The following KLF12 variants were observed in gnomAD, a reference collection of about 807,000 sequenced individuals.
KLF12 encodes the protein KLF transcription factor 12.
KLF12 carries 9 observed loss-of-function variants against 37.8 expected under a neutral mutation model. That is an observed-to-expected ratio of 0.24 (90% CI 0.14 to 0.42). The LOEUF (loss-of-function observed/expected upper bound fraction) is 0.42. Ranked by LOEUF, KLF12 falls within the 10% of genes least tolerant of loss-of-function variation. KLF12 has a pLI of 1.00. For missense variants in KLF12, 411 were observed against 516.0 expected (o/e 0.80, Z 1.97); for synonymous variants, 208 against 202.1 (o/e 1.03, Z -0.25).
rs181494106 is a variant in KLF12, at chr13:74,088,307, G to A, written c.-32+45432C>T. ...TGAGACAGTCTTGCGCTGTTGCCCA[G>A]GCTGGAATCTCCTGAGTTCACGCAA... On this transcript the variant is annotated intron_variant, in intron 1 of 7. Coordinates refer to ENST00000377669, the MANE Select transcript of KLF12 (RefSeq NM_007249.5). Among the ~76,000 whole-genome samples, 113 of 151,602 alleles carry A rather than the reference G, an allele frequency of 7.5e-4. 1 individual carries two copies. Among genetic ancestry groups the A allele is most frequent in the Non-Finnish European group, 9.4e-4 (64 of 67,886 alleles).
intron 7 of KLF12, among the ~76,000 whole-genome samples, chr13:73,702,014 C>CCA (rs149619722): frequency 0.032 from 4,906 of 151,904 alleles, 140 homozygotes; most frequent in African/African-American, 0.069. Context: ...AGACGACATA[C>CCA]CACACACACA....
At chr13:74,244,868 C>A in the KLF12 span, among the ~76,000 whole-genome samples, 1 of 152,258 alleles carries the variant, frequency 6.6e-6, no homozygotes, top group South Asian at 2.1e-4. Context: ...AATGTGTATT[C>A]CAAATTGAGA....
At chr13:73,909,624 C>T (rs1888477195) in intron 3 of KLF12, among the ~76,000 whole-genome samples, 1 of 152,172 alleles carries the variant, frequency 6.6e-6, no homozygotes. Context: ...CATAGCATTT[C>T]CAGCACAAAG....
At chr13:74,114,163 G>A (rs1043732541) in intron 1 of KLF12, among the ~76,000 whole-genome samples, 5 of 152,062 alleles carry the variant, frequency 3.3e-5, no homozygotes, top group Non-Finnish European at 7.4e-5. Flanking sequence ...AAGATGCTGT[G>A]AACACTGATG....
intron 3 of KLF12, among the ~76,000 whole-genome samples, chr13:73,863,265 T>C (rs1886015462): frequency 1.3e-5 from 2 of 152,186 alleles, no homozygotes; most frequent in Non-Finnish European, 2.9e-5. Context: ...CTAAATTTCA[T>C]ATTTATTAAG....
At chr13:73,892,261 G>A (rs1331779816) in intron 3 of KLF12, among the ~76,000 whole-genome samples, 1 of 152,082 alleles carries the variant, frequency 6.6e-6, no homozygotes, top group Non-Finnish European at 1.5e-5. Flanking sequence ...GGACAACAAT[G>A]GAAGGCAAAG....
intron 6 of KLF12, among the ~76,000 whole-genome samples, chr13:73,724,540 T>C (rs1174916363): frequency 7.9e-5 from 12 of 152,206 alleles, no homozygotes; most frequent in Non-Finnish European, 2.9e-5. Context: ...TTTCTCATCA[T>C]AAGATGTCCA....
At chr13:73,950,745 C>G (rs1435517755) in intron 2 of KLF12, among the ~76,000 whole-genome samples, 2 of 152,152 alleles carry the variant, frequency 1.3e-5, no homozygotes, top group Non-Finnish European at 2.9e-5. Flanking sequence ...GAGGAGAGAT[C>G]TGACATGTGG....
chr13:74,211,120 G>A, the KLF12 span, among the ~76,000 whole-genome samples: 4 of 152,078 alleles, frequency 2.6e-5, no homozygotes, highest in Admixed American at 1.3e-4. Context: ...TGGAAGTCTT[G>A]GGCTGACTCT....
chr13:73,876,530 G>C (rs944231760), intron 3 of KLF12, among the ~76,000 whole-genome samples: 54 of 152,222 alleles, frequency 3.5e-4, no homozygotes, highest in African/African-American at 1.2e-3. Flanking sequence ...TGCAAAACAT[G>C]TACTCTAGGC....
chr13:73,960,938 TTTTA>T (rs1238161969), intron 2 of KLF12, among the ~76,000 whole-genome samples: 4 of 152,030 alleles, frequency 2.6e-5, no homozygotes, highest in African/African-American at 7.2e-5. Context: ...AATACTTTAA[TTTTA>T]TTTATTTATT....
the KLF12 span, among the ~76,000 whole-genome samples, chr13:74,269,704 T>C: frequency 6.6e-6 from 1 of 152,304 alleles, no homozygotes; most frequent in Admixed American, 6.5e-5. Context: ...CAAGTTCCTA[T>C]GTGATAGGAA....
At chr13:73,707,229 C>T (rs1331060514) in intron 7 of KLF12, among the ~76,000 whole-genome samples, 2 of 152,234 alleles carry the variant, frequency 1.3e-5, no homozygotes, top group East Asian at 1.9e-4. Context: ...GTCCACGTGC[C>T]CTAACCTTGC....
intron 3 of KLF12, among the ~76,000 whole-genome samples, chr13:73,892,477 G>T (rs1050893233): frequency 6.6e-6 from 1 of 152,092 alleles, no homozygotes; most frequent in Non-Finnish European, 1.5e-5. Flanking sequence ...CCACCACTAA[G>T]ACTTTATCTA....
At chr13:73,719,607 CTT>C (rs967206467) in intron 6 of KLF12, among the ~76,000 whole-genome samples, 2 of 143,490 alleles carry the variant, frequency 1.4e-5, no homozygotes, top group Non-Finnish European at 1.5e-5. Flanking sequence ...CCCCGAGTTG[CTT>C]TTTTTTTTTG....
chr13:74,017,706 C>A (rs115701236), intron 1 of KLF12, among the ~76,000 whole-genome samples: 4 of 151,898 alleles, frequency 2.6e-5, no homozygotes, highest in African/African-American at 9.7e-5. Context: ...AGAAATGATA[C>A]ACACACATCT....
At chr13:74,116,985 C>A (rs909594847) in intron 1 of KLF12, among the ~76,000 whole-genome samples, 3 of 152,126 alleles carry the variant, frequency 2.0e-5, no homozygotes, top group Non-Finnish European at 4.4e-5. Flanking sequence ...TTTCTCTACT[C>A]TTATCGCAAC....
chr13:73,719,423 CAA>C (rs368511840), intron 6 of KLF12, among the ~76,000 whole-genome samples: 14 of 144,504 alleles, frequency 9.7e-5, no homozygotes, highest in Non-Finnish European at 1.1e-4. Context: ...TGTGGGCATT[CAA>C]AAAAAAAAAA....
intron 1 of KLF12, among the ~76,000 whole-genome samples, chr13:74,112,199 T>C (rs201921688): frequency 4.7e-5 from 5 of 107,410 alleles, no homozygotes; most frequent in Admixed American, 1.1e-4. Context: ...TGTGTGTGTG[T>C]GCATCTGTGT....
Sources: gnomAD v4.1 joint callset for allele counts (sites outside exome capture counted in the v4.1 genomes callset) on GRCh38, gnomAD v4.1.1 for gene constraint, MANE v1.5 for transcripts, NCBI Gene and HGNC (gene_info 2026-07-23, HGNC 2026-07-21) for gene names.